MEF2A: variants seen among roughly 807,000 people sequenced by gnomAD.
The protein encoded by MEF2A is myocyte enhancer factor 2A, also known as myocyte-specific enhancer factor 2A.
A neutral mutation model predicts 55.8 loss-of-function variants in MEF2A; 28 were observed. The observed-to-expected ratio is 0.50, with a 90% CI of 0.37 to 0.69. The LOEUF is 0.69. MEF2A is among the 30% of genes least tolerant of loss of function. The pLI is 0.00. For missense variants in MEF2A, 528 were observed against 626.2 expected, an observed-to-expected ratio of 0.84 and a Z score of 1.67; for synonymous variants, 239 against 227.1, an observed-to-expected ratio of 1.05 and a Z score of -0.47.
At chr15:99,665,837 A>G (rs2049570593) in intron 4 of MEF2A, among the ~76,000 whole-genome samples, 1 of 152,096 alleles carries the variant, frequency 6.6e-6, no homozygotes, top group African/African-American at 2.4e-5. Context: ...TATGAAAAAA[A>G]GCTCATCATC....
Position 99,638,743 on chromosome 15 carries a change from G to A in MEF2A, c.54+5570G>A, listed in dbSNP as rs538941031. Among the ~76,000 whole-genome samples the A allele has an allele frequency of 4.6e-5, 7 of 151,956 alleles. No individual in the cohort carries two copies. In the East Asian group the frequency reaches 1.4e-3, roughly 29 times the overall value. The stretch of plus-strand genomic sequence containing the variant: ...TAGTTATCTTTAAGTTCATGTCTGT[G>A]AATAGCTATATCTGGATTACCTGTA... On this transcript the variant is annotated intron_variant, in intron 3 of 11. Coordinates refer to ENST00000557942, the MANE Select transcript of MEF2A (RefSeq NM_001319206.4).
At chr15:99,606,142 C>T (rs1975031598) in intron 2 of MEF2A, among the ~76,000 whole-genome samples, 1 of 152,152 alleles carries the variant, frequency 6.6e-6, no homozygotes, top group African/African-American at 2.4e-5. Context: ...ACAAAACGCA[C>T]ACTTTAGTAG....
intron 3 of MEF2A, among the ~76,000 whole-genome samples, chr15:99,643,491 A>T (rs902628661): frequency 4.6e-5 from 7 of 151,868 alleles, no homozygotes; most frequent in Admixed American, 3.3e-4. Context: ...CCTCCATTGT[A>T]TTCTATTTTG....
intron 2 of MEF2A, among the ~76,000 whole-genome samples, chr15:99,619,441 G>GGGTTT (rs2040768795): frequency 6.6e-6 from 1 of 152,102 alleles, no homozygotes; most frequent in Admixed American, 6.5e-5. Context: ...CTAGTCTTCA[G>GGGTTT]TTATTTTTCA....
At chr15:99,661,448 A>G (rs554523664) in intron 4 of MEF2A, among the ~76,000 whole-genome samples, 9 of 151,188 alleles carry the variant, frequency 6.0e-5, no homozygotes, top group Non-Finnish European at 1.0e-4. Context: ...TAATGGGAAG[A>G]TATTTTTACA....
chr15:99,657,782 T>C (rs2047983376), intron 4 of MEF2A, among the ~76,000 whole-genome samples: 1 of 152,066 alleles, frequency 6.6e-6, no homozygotes, highest in African/African-American at 2.4e-5. Context: ...TCCCAAAGGA[T>C]TCCAAGGAGA....
At chr15:99,641,784 C>T (rs2153459322) in intron 3 of MEF2A, among the ~76,000 whole-genome samples, 1 of 152,330 alleles carries the variant, frequency 6.6e-6, no homozygotes, top group East Asian at 1.9e-4. Context: ...CAAGCCTCCA[C>T]ATCCCTGACC....
intron 7 of MEF2A, among the ~76,000 whole-genome samples, chr15:99,688,998 A>G (rs575917558): frequency 1.3e-5 from 2 of 152,252 alleles, no homozygotes; most frequent in South Asian, 4.1e-4. Context: ...GTTGCTATAC[A>G]TGGGAAGAAG....
intron 8 of MEF2A, among the ~76,000 whole-genome samples, chr15:99,700,851 G>A (rs1207511780): frequency 6.6e-6 from 1 of 152,108 alleles, no homozygotes; most frequent in African/African-American, 2.4e-5. Flanking sequence ...AATAGTATTG[G>A]ATTATAGCCC....
intron 3 of MEF2A, among the ~76,000 whole-genome samples, chr15:99,636,165 TA>T (rs891188790): frequency 2.0e-5 from 3 of 152,196 alleles, no homozygotes; most frequent in African/African-American, 7.2e-5. Flanking sequence ...TTCATATTTT[TA>T]TTGGCCATTT....
intron 8 of MEF2A, among the ~76,000 whole-genome samples, chr15:99,698,466 T>C (rs1044425802): frequency 6.6e-6 from 1 of 152,150 alleles, no homozygotes; most frequent in Non-Finnish European, 1.5e-5. Context: ...TAATGAGATA[T>C]AACTGCACAT....
chr15:99,642,610 A>G (rs1185827551), intron 3 of MEF2A, among the ~76,000 whole-genome samples: 1 of 152,156 alleles, frequency 6.6e-6, no homozygotes, highest in African/African-American at 2.4e-5. Context: ...GTTTTTGGCA[A>G]TTATATTAAG....
intron 4 of MEF2A, among the ~76,000 whole-genome samples, chr15:99,655,864 A>G (rs1384186039): frequency 6.6e-6 from 1 of 152,138 alleles, no homozygotes; most frequent in African/African-American, 2.4e-5. Flanking sequence ...TGTGTGTTAT[A>G]AAACAGTTAG....
intron 1 of MEF2A, among the ~76,000 whole-genome samples, chr15:99,594,873 T>A (rs7179518): frequency 6.6e-6 from 1 of 152,038 alleles, no homozygotes. Flanking sequence ...TCAAAGCAGG[T>A]GTCTGTCTAC....
chr15:99,702,031 T>A (rs750346959), intron 8 of MEF2A, among the ~76,000 whole-genome samples: 4 of 152,264 alleles, frequency 2.6e-5, no homozygotes, highest in Non-Finnish European at 5.9e-5. Context: ...ATTTACACGC[T>A]TATTCCTGTA....
intron 4 of MEF2A, among the ~76,000 whole-genome samples, chr15:99,668,823 A>T (rs1008658064): frequency 6.6e-6 from 1 of 152,174 alleles, no homozygotes; most frequent in Admixed American, 6.5e-5. Flanking sequence ...CTGTTGTGCT[A>T]TTTGGTAATG....
intron 2 of MEF2A, among the ~76,000 whole-genome samples, chr15:99,620,648 G>A (rs775045904): frequency 2.0e-5 from 3 of 152,018 alleles, no homozygotes; most frequent in Admixed American, 1.3e-4. Flanking sequence ...ATGATAAAAC[G>A]TACATGTGTC....
intron 1 of MEF2A, among the ~76,000 whole-genome samples, chr15:99,567,070 G>A (rs1277591449): frequency 4.6e-5 from 7 of 152,250 alleles, no homozygotes; most frequent in African/African-American, 1.4e-4. Context: ...TTCTTTAAAA[G>A]TGTAACTATA....
At chr15:99,651,933 T>C (rs2046911642) in intron 4 of MEF2A, among the ~76,000 whole-genome samples, 1 of 152,176 alleles carries the variant, frequency 6.6e-6, no homozygotes, top group South Asian at 2.1e-4. Context: ...TGTAATACAT[T>C]TCTTGTGATT....
Sources: allele counts gnomAD v4.1 joint callset (sites outside exome capture counted in the v4.1 genomes callset), GRCh38; gene constraint gnomAD v4.1.1; transcripts MANE v1.5; gene names NCBI Gene and HGNC (gene_info 2026-07-23, HGNC 2026-07-21).